The following ADGRG2 variants were observed in gnomAD, a reference collection of about 807,000 sequenced individuals.
ADGRG2 encodes the protein G protein-coupled receptor 64.
In ADGRG2, 26 loss-of-function variants were observed where a neutral mutation model predicts 74.1. The observed-to-expected ratio is 0.35, with a 90% CI of 0.26 to 0.49. The LOEUF (loss-of-function observed/expected upper bound fraction) is 0.49. Among genes scored for constraint, ADGRG2 ranks in the 20% least tolerant of loss-of-function variants. ADGRG2 has a pLI of 0.99. For missense variants in ADGRG2, 619 were observed against 763.1 expected (o/e 0.81, Z 2.22); for synonymous variants, 296 against 295.2 (o/e 1.00, Z -0.03).
At chrX:19,112,650 T>TAA (rs762788075) in intron 1 of ADGRG2, among the ~76,000 whole-genome samples, 11 of 86,250 alleles carry the variant, frequency 1.3e-4, no homozygotes, top group Middle Eastern at 6.0e-3. Flanking sequence ...AATGTTCTAT[T>TAA]AAAAAAAAAA....
chrX:19,013,576 C>T (rs1369794802), intron 16 of ADGRG2, 110 bp downstream of exon 16: 4 of 686,119 alleles, frequency 5.8e-6, no homozygotes, highest in Non-Finnish European at 8.6e-6. Flanking sequence ...GTTAGAATCC[C>T]GAAAGGAAAG....
At chrX:19,053,728 G>A (rs1237163682) in intron 3 of ADGRG2, among the ~76,000 whole-genome samples, 2 of 111,952 alleles carry the variant, frequency 1.8e-5, no homozygotes, top group Non-Finnish European at 1.9e-5. Context: ...GTATTAGTCC[G>A]TTTTCACGCT....
intron 1 of ADGRG2, among the ~76,000 whole-genome samples, chrX:19,112,996 A>C (rs1421298643): frequency 1.9e-5 from 2 of 107,751 alleles, no homozygotes; most frequent in African/African-American, 3.4e-5. Flanking sequence ...ACCAAAAAAA[A>C]AAAAAAAATC....
chrX:19,113,332 T>C (rs1048181686), intron 1 of ADGRG2, among the ~76,000 whole-genome samples: 3 of 110,469 alleles, frequency 2.7e-5, no homozygotes, highest in Admixed American at 1.9e-4. Context: ...GAGCCGAGAT[T>C]GTGCCACCGC....
chrX:19,022,384 G>T (rs1264655154), intron 13 of ADGRG2, among the ~76,000 whole-genome samples: 1 of 111,958 alleles, frequency 8.9e-6, no homozygotes, highest in Non-Finnish European at 1.9e-5. Context: ...AATTAGTGTT[G>T]CAATAACGAA....
intron 1 of ADGRG2, among the ~76,000 whole-genome samples, chrX:19,089,667 T>G (rs1419862515): frequency 9.0e-6 from 1 of 111,239 alleles, no homozygotes; most frequent in Non-Finnish European, 1.9e-5. Flanking sequence ...CAAGCCACCA[T>G]GTAAGAGTGG....
Position 18,990,923 on chromosome X carries a change from G to A in ADGRG2, c.2995C>T (p.Arg999Cys), listed in dbSNP as rs773705029. 34 of 1,205,574 alleles carry A rather than the reference G, an allele frequency of 2.8e-5. No homozygotes were observed. In the East Asian group the frequency reaches 8.6e-4, roughly 31 times the overall value. The change falls in exon 29 of 29, where the codon CGT becomes TGT. Residue 999 changes from arginine (R) to cysteine (C), a missense_variant. Arg to Cys is a radical substitution (Grantham distance 180). This residue lies in a region of ADGRG2 where 106 missense variants were observed against 104.5 expected (regional missense o/e 1.01). Coordinates refer to ENST00000379869, the MANE Select transcript of ADGRG2 (RefSeq NM_001079858.3). ...EKEDSCNGKG[R>C]MALRRTSKRG... ...TTTGAAGTCCTTCTGAGAGCCATAC[G>A]GCCTTTCCCATTGCAGGAATCTTCC...
intron 24 of ADGRG2, among the ~76,000 whole-genome samples, chrX:19,000,626 G>A (rs774226172): frequency 9.0e-6 from 1 of 111,570 alleles, no homozygotes; most frequent in Non-Finnish European, 1.9e-5. Context: ...CTGAATAACT[G>A]CAAGACCAGG....
Position 18,998,208 on chromosome X carries a change from C to A in ADGRG2, c.2614+788G>T, listed in dbSNP as rs1036164685. ...TGCTGCCACTTGGGTCTGTCTGTTGCCTTCCCATTTCTCATTGTCTCCAAA... is the reference window on the plus strand; with the variant it reads ...TGCTGCCACTTGGGTCTGTCTGTTGACTTCCCATTTCTCATTGTCTCCAAA... On this transcript the variant is annotated intron_variant, in intron 26 of 28. Coordinates refer to ENST00000379869, the MANE Select transcript of ADGRG2 (RefSeq NM_001079858.3). 7.2e-5 allele frequency among the ~76,000 whole-genome samples: 8 copies of A among 111,848 alleles called. No homozygotes were observed. In the Admixed American group the frequency reaches 7.6e-4, roughly 11 times the overall value.
intron 20 of ADGRG2, among the ~76,000 whole-genome samples, 167 bp from the exon 21 acceptor site, chrX:19,006,432 G>A (rs181039219): frequency 8.1e-5 from 9 of 110,927 alleles, no homozygotes; most frequent in Admixed American, 3.8e-4. Context: ...CTAGAAGCAA[G>A]TAAGCCCTAA....
intron 1 of ADGRG2, among the ~76,000 whole-genome samples, chrX:19,118,553 T>A (rs915415161): frequency 2.7e-5 from 3 of 111,029 alleles, no homozygotes; most frequent in African/African-American, 9.8e-5. Flanking sequence ...GCCCAGATAA[T>A]TTTTTAATTT....
At position 19,068,558 on chromosome X, in the gene ADGRG2, T is replaced by C. The variant is rs770364993; in HGVS notation, c.118+159A>G. On this transcript the variant is annotated intron_variant, in intron 3 of 28. Transcript: ENST00000379869. The stretch of plus-strand genomic sequence containing the variant: ...GGATAGCAGTGACAGTTACACAAAA[T>C]TGTGAATGTACTTAATGCCAATGAA... Among the ~76,000 whole-genome samples the C allele has an allele frequency of 2.7e-5, 3 of 111,415 alleles. No individual in the cohort carries two copies. The East Asian group carries it at 8.4e-4, about 31-fold the overall frequency.
chrX:19,093,937 A>ACACACC (rs1014646083), intron 1 of ADGRG2, among the ~76,000 whole-genome samples: 10 of 105,687 alleles, frequency 9.5e-5, no homozygotes, highest in Admixed American at 3.0e-4. Context: ...ACACACACAC[A>ACACACC]CCCCATGGAA....
At chrX:19,083,919 T>A (rs985629990) in intron 1 of ADGRG2, among the ~76,000 whole-genome samples, 3 of 112,274 alleles carry the variant, frequency 2.7e-5, no homozygotes, top group Non-Finnish European at 5.6e-5. Flanking sequence ...ACTGTTATAA[T>A]AGCAGTTCAG....
chrX:19,013,258 G>T (rs760327260), intron 16 of ADGRG2, among the ~76,000 whole-genome samples: 2 of 111,545 alleles, frequency 1.8e-5, no homozygotes, highest in East Asian at 2.8e-4. Context: ...ACTCTTCAGG[G>T]TGTTGAAAAC....
At chrX:19,108,582 C>T (rs772768074) in intron 1 of ADGRG2, among the ~76,000 whole-genome samples, 5 of 112,071 alleles carry the variant, frequency 4.5e-5, no homozygotes, top group African/African-American at 1.3e-4. Flanking sequence ...GAATATTATT[C>T]GGCAGTGACA....
At chrX:19,122,539 GCGCCGCCCC>G (rs1254730281), upstream of ADGRG2, 3 of 110,137 alleles carry the variant, frequency 2.7e-5, no homozygotes, top group East Asian at 8.6e-4. Context: ...CGCGGCCTCG[GCGCCGCCCC>G]CGCCGCTCCC....
intron 24 of ADGRG2, among the ~76,000 whole-genome samples, chrX:19,002,595 G>T (rs1442958583): frequency 8.9e-6 from 1 of 111,964 alleles, no homozygotes. Context: ...CTAGTTCCTG[G>T]AGATACAAAG....
At chrX:19,053,829 C>G (rs1211050280) in intron 3 of ADGRG2, among the ~76,000 whole-genome samples, 1 of 111,461 alleles carries the variant, frequency 9.0e-6, no homozygotes, top group Non-Finnish European at 1.9e-5. Context: ...GCCTCACAAT[C>G]ATGGTGGAAG....
Sources: gnomAD v4.1 joint callset for allele counts (sites outside exome capture counted in the v4.1 genomes callset) on GRCh38, gnomAD v4.1.1 for gene constraint, gnomAD v4.1.1 regional missense constraint, MANE v1.5 for transcripts, NCBI Gene and HGNC (gene_info 2026-07-23, HGNC 2026-07-21) for gene names.